The following ABCB1 variants were observed in gnomAD, a reference collection of about 807,000 sequenced individuals.
ABCB1 encodes ATP-dependent translocase ABCB1.
ABCB1 carries 69 observed loss-of-function variants against 142.0 expected under a neutral mutation model. The observed-to-expected ratio is 0.49, with a 90% CI of 0.40 to 0.59. ABCB1 has a LOEUF of 0.59. ABCB1 is among the 20% of genes least tolerant of loss of function. The pLI, the probability that ABCB1 is intolerant of heterozygous loss-of-function variation, is 0.00. For missense variants in ABCB1, 1,326 were observed against 1,554.7 expected (o/e 0.85, Z 2.47); for synonymous variants, 532 against 539.2 (o/e 0.99, Z 0.18).
intron 1 of ABCB1, among the ~76,000 whole-genome samples, chr7:87,675,942 T>C (rs930682228): frequency 1.3e-5 from 2 of 152,132 alleles, no homozygotes; most frequent in Non-Finnish European, 2.9e-5. Context: ...TCAAGCCAAG[T>C]GTAGTGGCTC....
At chr7:87,571,267 T>C (rs1818040955) in intron 4 of ABCB1, among the ~76,000 whole-genome samples, 2 of 152,142 alleles carry the variant, frequency 1.3e-5, no homozygotes, top group African/African-American at 4.8e-5. Context: ...AAGTGTGTTG[T>C]GTGGATGGAG....
At chr7:87,556,757 A>G (rs1817329284) in intron 8 of ABCB1, among the ~76,000 whole-genome samples, 3 of 152,078 alleles carry the variant, frequency 2.0e-5, no homozygotes, top group South Asian at 4.1e-4. Context: ...CATAACGTGG[A>G]TAGTCATTCC....
At chr7:87,514,989 G>T (rs1815164489) in intron 25 of ABCB1, among the ~76,000 whole-genome samples, 1 of 152,194 alleles carries the variant, frequency 6.6e-6, no homozygotes, top group Non-Finnish European at 1.5e-5. Flanking sequence ...TACAGCAAGG[G>T]AGACAGGTGG....
chr7:87,587,108 G>A (rs531906723), intron 3 of ABCB1, among the ~76,000 whole-genome samples: 2 of 152,106 alleles, frequency 1.3e-5, no homozygotes, highest in South Asian at 4.2e-4. Context: ...TTGAAACACT[G>A]GCTAAATTTT....
At chr7:87,629,049 A>T in intron 1 of ABCB1, 1 of 1,104,958 alleles carries the variant, frequency 9.1e-7, no homozygotes, top group Non-Finnish European at 1.2e-6. Flanking sequence ...GCTGCCGCCC[A>T]GTGCCCCCGC....
chr7:87,619,960 A>G (rs1820167245), intron 1 of ABCB1, among the ~76,000 whole-genome samples: 1 of 152,112 alleles, frequency 6.6e-6, no homozygotes, highest in Non-Finnish European at 1.5e-5. Context: ...ATGTCTTTTA[A>G]TCCTCTTAAA....
chr7:87,505,599 A>G (rs1264200441), intron 27 of ABCB1, among the ~76,000 whole-genome samples: 1 of 152,170 alleles, frequency 6.6e-6, no homozygotes, highest in Non-Finnish European at 1.5e-5. Flanking sequence ...ACTTTTCCTT[A>G]TGGTTGCTGA....
chr7:87,526,279 G>A (rs35280822), intron 21 of ABCB1, among the ~76,000 whole-genome samples: 50,525 of 151,106 alleles, frequency 0.33, 9,045 homozygotes, highest in Non-Finnish European at 0.4. Context: ...GAAATTTATC[G>A]TTTTAGGATT....
intron 3 of ABCB1, among the ~76,000 whole-genome samples, chr7:87,592,529 TAGC>T (rs1241188707): frequency 6.6e-6 from 1 of 152,160 alleles, no homozygotes. Context: ...GATCAAAAGA[TAGC>T]AGCAATAAAG....
chr7:87,658,812 A>G (rs1449623532), intron 1 of ABCB1, among the ~76,000 whole-genome samples: 1 of 152,192 alleles, frequency 6.6e-6, no homozygotes, highest in African/African-American at 2.4e-5. Context: ...CAGGAAAGAC[A>G]ACTAAGGAAA....
chr7:87,603,059 T>G (rs934470170), upstream of ABCB1: 3 of 152,244 alleles, frequency 2.0e-5, no homozygotes, highest in Non-Finnish European at 4.4e-5. Context: ...TCCTCCGCTC[T>G]CATGTAGCCA....
rs532901859 is a variant in ABCB1 at position 87,539,254 on chromosome 7, C to T, written c.2397+14G>A. 3 of 1,613,334 alleles carry T rather than the reference C, an allele frequency of 1.9e-6. No homozygotes were observed. In the South Asian group the frequency reaches 3.3e-5, roughly 18 times the overall value. On this transcript the variant is annotated intron_variant, in intron 19 of 27. Transcript: ENST00000622132. Reference sequence around the variant, plus strand: ...GTTCTACACATCCCAGGGCACAGCCCTCGATAGACATACCTGTCTGAGCAT... The same window carrying T: ...GTTCTACACATCCCAGGGCACAGCCTTCGATAGACATACCTGTCTGAGCAT...
intron 21 of ABCB1, among the ~76,000 whole-genome samples, chr7:87,526,950 C>T (rs1203304204): frequency 6.6e-6 from 1 of 152,150 alleles, no homozygotes; most frequent in Non-Finnish European, 1.5e-5. Context: ...AATCCTTGGA[C>T]TTGCTTCTCT....
chr7:87,585,101 T>C (rs1249781642), intron 4 of ABCB1, among the ~76,000 whole-genome samples: 2 of 152,174 alleles, frequency 1.3e-5, no homozygotes, highest in Admixed American at 6.5e-5. Context: ...TTTCTGTTGA[T>C]AGTAACTGCA....
intron 10 of ABCB1, 30 bp from the exon 11 acceptor site, chr7:87,550,608 T>C (rs769532355): frequency 6.3e-7 from 1 of 1,595,736 alleles, no homozygotes; most frequent in South Asian, 1.1e-5. Flanking sequence ...AAGAGATTAC[T>C]AGGTTACAAT....
intron 15 of ABCB1, among the ~76,000 whole-genome samples, chr7:87,545,481 T>A (rs1207003776): frequency 1.3e-5 from 2 of 152,228 alleles, no homozygotes; most frequent in African/African-American, 4.8e-5. Flanking sequence ...TGATATCGTT[T>A]CAACATGTAA....
intron 14 of ABCB1, 146 bp downstream of exon 14, chr7:87,549,202 A>C: frequency 1.2e-6 from 1 of 813,250 alleles, no homozygotes; most frequent in Non-Finnish European, 1.9e-6. Context: ...GATTTCAAAG[A>C]GGCCCAATGC....
intron 14 of ABCB1, among the ~76,000 whole-genome samples, chr7:87,547,954 GGTT>G (rs1207583463): frequency 3.3e-5 from 5 of 151,118 alleles, no homozygotes; most frequent in Non-Finnish European, 7.4e-5. Flanking sequence ...GGGCAGCAGA[GGTT>G]GTAGTGGCCA....
At chr7:87,699,652 C>T (rs1828838309) in intron 1 of ABCB1, among the ~76,000 whole-genome samples, 1 of 152,212 alleles carries the variant, frequency 6.6e-6, no homozygotes, top group Admixed American at 6.5e-5. Context: ...GTGATCCACC[C>T]ACCTTGGCCT....
Sources: gnomAD v4.1 joint callset for allele counts (sites outside exome capture counted in the v4.1 genomes callset) on GRCh38, gnomAD v4.1.1 for gene constraint, MANE v1.5 for transcripts, NCBI Gene and HGNC (gene_info 2026-07-23, HGNC 2026-07-21) for gene names.